MED27: variants seen among roughly 807,000 people sequenced by gnomAD.
MED27 encodes mediator of RNA polymerase II transcription subunit 27.
In MED27, 30 loss-of-function variants were observed where a neutral mutation model predicts 38.2. The observed-to-expected ratio is 0.79, with a 90% CI of 0.59 to 1.07. MED27 has a LOEUF of 1.07. MED27 is among the 50% of genes least tolerant of loss of function. The pLI is 0.00. For synonymous variants in MED27, 122 were observed against 153.5 expected (o/e 0.79, Z 1.52); for missense variants, 289 against 397.5 (o/e 0.73, Z 2.32).
chr9:131,919,259 C>T (rs1564283194), intron 4 of MED27, among the ~76,000 whole-genome samples: 1 of 152,158 alleles, frequency 6.6e-6, no homozygotes, highest in Non-Finnish European at 1.5e-5. Context: ...AAGCATAGCA[C>T]ATATTTTGCC....
intron 4 of MED27, among the ~76,000 whole-genome samples, chr9:131,895,534 GA>G (rs1829816558): frequency 6.6e-6 from 1 of 152,112 alleles, no homozygotes; most frequent in Non-Finnish European, 1.5e-5. Flanking sequence ...GGGTATCAGT[GA>G]ACACCCCCAA....
In MED27 at chr9:131,982,835, G is replaced by C. The variant is rs931965056; in HGVS notation, c.479+31502C>G. On this transcript the variant is annotated intron_variant, in intron 3 of 7. Coordinates refer to ENST00000292035, the MANE Select transcript of MED27 (RefSeq NM_004269.4). The surrounding 1 kb of genome is among the most constrained non-coding windows in gnomAD (Gnocchi z 4.3). The stretch of plus-strand genomic sequence containing the variant: ...AAGCAGCCATATGTAATATGGAAAT[G>C]AATGCGCATGGCTGTGCTCAATAAA... Among the ~76,000 whole-genome samples the C allele has an allele frequency of 1.3e-5, 2 of 152,230 alleles. No homozygotes were observed. The highest frequency in any genetic ancestry group is 4.1e-4 in the South Asian group (2 of 4,824).
chr9:131,920,151 G>C (rs1016732343), intron 4 of MED27, among the ~76,000 whole-genome samples: 5 of 151,986 alleles, frequency 3.3e-5, no homozygotes, highest in Non-Finnish European at 5.9e-5. Flanking sequence ...ACAATACTTC[G>C]GTGTCTTAAG....
intron 3 of MED27, among the ~76,000 whole-genome samples, chr9:131,986,261 T>C (rs1419092336): frequency 6.6e-6 from 1 of 152,170 alleles, no homozygotes; most frequent in Non-Finnish European, 1.5e-5. Context: ...TCACCATGGC[T>C]CACTGACTCA....
At chr9:131,905,263 C>A (rs1830031567) in intron 4 of MED27, among the ~76,000 whole-genome samples, 1 of 152,204 alleles carries the variant, frequency 6.6e-6, no homozygotes, top group South Asian at 2.1e-4. Context: ...AAATGGGAAG[C>A]TACTGTTTTC....
chr9:131,978,661 T>C (rs1012522351), intron 3 of MED27, among the ~76,000 whole-genome samples: 9 of 152,118 alleles, frequency 5.9e-5, no homozygotes, highest in African/African-American at 2.2e-4. Context: ...AGTTCTCCAT[T>C]AAAAAGTTAA....
intron 3 of MED27, among the ~76,000 whole-genome samples, chr9:131,966,383 C>CAAA (rs749607968): frequency 0.018 from 657 of 36,754 alleles, 58 homozygotes; most frequent in African/African-American, 0.046. Context: ...GACCCTGTCA[C>CAAA]AAAAAAAAAA....
In MED27 at chr9:131,889,206, G is replaced by C. The variant is rs1564270022; in HGVS notation, c.681+4679C>G. 6.6e-6 allele frequency among the ~76,000 whole-genome samples: 1 copy of C among 152,196 alleles called. No individual in the cohort carries two copies. The highest frequency in any genetic ancestry group is 1.5e-5 in the Non-Finnish European group (1 of 68,028). On this transcript the variant is annotated intron_variant, in intron 5 of 7. Transcript: ENST00000292035. This position sits in a 1 kb window ranked among gnomAD's most constrained non-coding sequence, Gnocchi z 4.2. ...AACTTTGAAGTGGGAAGAATGCAGG[G>C]ATCAGAAATTACCCTGGAGACAGCT...
intron 5 of MED27, among the ~76,000 whole-genome samples, chr9:131,884,605 CT>C (rs11331082): frequency 0.23 from 27,729 of 122,500 alleles, 2,340 homozygotes; most frequent in East Asian, 0.37. Flanking sequence ...ATTCTCTTTA[CT>C]TTTTTTTTTT....
intron 2 of MED27, among the ~76,000 whole-genome samples, chr9:132,024,107 G>C (rs765550137): frequency 2.6e-5 from 4 of 152,170 alleles, no homozygotes; most frequent in Non-Finnish European, 5.9e-5. Context: ...AGATGGCCCT[G>C]AGTTCAAACC....
At chr9:132,067,013 G>C (rs1337299865) in intron 2 of MED27, among the ~76,000 whole-genome samples, 1 of 152,218 alleles carries the variant, frequency 6.6e-6, no homozygotes, top group Non-Finnish European at 1.5e-5. Context: ...GCAAACAGAG[G>C]CAGATTCAGA....
chr9:131,905,940 A>G (rs1830054545), intron 4 of MED27, among the ~76,000 whole-genome samples: 1 of 152,176 alleles, frequency 6.6e-6, no homozygotes, highest in Non-Finnish European at 1.5e-5. Flanking sequence ...AATGAAATAG[A>G]CATTCACAGA....
chr9:132,028,511 A>T (rs944514803), intron 2 of MED27, among the ~76,000 whole-genome samples: 5 of 119,778 alleles, frequency 4.2e-5, no homozygotes, highest in Non-Finnish European at 8.0e-5. Flanking sequence ...AAATAAATTA[A>T]AAAAAAAAAA....
chr9:132,027,640 T>G (rs1162893922), intron 2 of MED27, among the ~76,000 whole-genome samples: 1 of 152,198 alleles, frequency 6.6e-6, no homozygotes, highest in Non-Finnish European at 1.5e-5. Context: ...TTCTCATCGA[T>G]GTAGGCGCCA....
intron 1 of MED27, 148 bp downstream of exon 1, chr9:132,079,494 G>A: frequency 5.6e-6 from 4 of 718,730 alleles, no homozygotes; most frequent in South Asian, 3.5e-5. Context: ...GTCCCTGAGG[G>A]ACAGGCAGAG....
intron 4 of MED27, among the ~76,000 whole-genome samples, chr9:131,929,073 A>G (rs1006435485): frequency 7.9e-5 from 12 of 152,184 alleles, no homozygotes; most frequent in Non-Finnish European, 1.5e-4. Flanking sequence ...TGAGGCACCC[A>G]TTCTAGGCCC....
At chr9:132,069,349 C>A (rs1306511987) in intron 2 of MED27, among the ~76,000 whole-genome samples, 1 of 151,856 alleles carries the variant, frequency 6.6e-6, no homozygotes, top group African/African-American at 2.4e-5. Context: ...TGATTCCAGG[C>A]AACAATAAAG....
chr9:131,874,529 A>G (rs1462364578), intron 6 of MED27, among the ~76,000 whole-genome samples: 3 of 152,128 alleles, frequency 2.0e-5, no homozygotes, highest in African/African-American at 7.2e-5. Flanking sequence ...CACTGGGGAA[A>G]GGGGAGCGGA....
chr9:131,966,160 C>T (rs1218031069), intron 3 of MED27, among the ~76,000 whole-genome samples: 5 of 128,378 alleles, frequency 3.9e-5, no homozygotes, highest in Admixed American at 3.5e-4. Context: ...GCCAGGCATT[C>T]GAGATCAGTC....
Sources: gnomAD v4.1 joint callset for allele counts (sites outside exome capture counted in the v4.1 genomes callset) on GRCh38, gnomAD v4.1.1 for gene constraint, Gnocchi (gnomAD v3.1) non-coding constraint, MANE v1.5 for transcripts, NCBI Gene and HGNC (gene_info 2026-07-23, HGNC 2026-07-21) for gene names.